The following TRAPPC9 variants were observed in gnomAD, a reference collection of about 807,000 sequenced individuals.
TRAPPC9 encodes the protein trafficking protein particle complex subunit 9, also known as IKK2 binding protein.
TRAPPC9 carries 83 observed loss-of-function variants against 124.0 expected under a neutral mutation model. That is an observed-to-expected ratio of 0.67 (90% CI 0.56 to 0.80). The LOEUF (loss-of-function observed/expected upper bound fraction) is 0.80. Among genes scored for constraint, TRAPPC9 ranks in the 30% least tolerant of loss-of-function variants. The pLI is 0.00. For missense variants in TRAPPC9, 1,302 were observed against 1,508.3 expected, an observed-to-expected ratio of 0.86 and a Z score of 2.27; for synonymous variants, 638 against 617.5, an observed-to-expected ratio of 1.03 and a Z score of -0.49.
chr8:140,165,253 A>G (rs1587840849), intron 17 of TRAPPC9, among the ~76,000 whole-genome samples: 1 of 152,172 alleles, frequency 6.6e-6, no homozygotes, highest in Non-Finnish European at 1.5e-5. Flanking sequence ...AGGCAAGAGA[A>G]TCGCTTGAAC....
At chr8:140,098,541 C>A (rs2060501398) in intron 17 of TRAPPC9, 1 of 152,000 alleles carries the variant, frequency 6.6e-6, no homozygotes, top group Non-Finnish European at 1.5e-5. Context: ...CGCAGCACCA[C>A]CTTCCACAGT....
At chr8:140,205,773 C>T (rs1281636091) in intron 17 of TRAPPC9, among the ~76,000 whole-genome samples, 1 of 152,208 alleles carries the variant, frequency 6.6e-6, no homozygotes, top group African/African-American at 2.4e-5. Flanking sequence ...ACCCCTCCTA[C>T]AGTCTCCATC....
At chr8:139,933,445 G>A (rs1262601611) in intron 19 of TRAPPC9, 1 of 152,232 alleles carries the variant, frequency 6.6e-6, no homozygotes, top group Non-Finnish European at 1.5e-5. Flanking sequence ...ACAAAACAGA[G>A]CAAGAGTTAT....
At chr8:139,847,456 C>T (rs766665790) in intron 21 of TRAPPC9, among the ~76,000 whole-genome samples, 2 of 152,296 alleles carry the variant, frequency 1.3e-5, no homozygotes, top group Non-Finnish European at 2.9e-5. Flanking sequence ...CACTTGCAGA[C>T]CAATGAGGAA....
chr8:140,293,279 A>G (rs932375924), intron 11 of TRAPPC9, among the ~76,000 whole-genome samples: 8 of 151,056 alleles, frequency 5.3e-5, no homozygotes, highest in African/African-American at 2.0e-4. Flanking sequence ...ACTGTAAACT[A>G]GTTCAACCAT....
At chr8:140,117,224 G>A (rs188436845) in intron 17 of TRAPPC9, among the ~76,000 whole-genome samples, 1 of 152,290 alleles carries the variant, frequency 6.6e-6, no homozygotes, top group African/African-American at 2.4e-5. Flanking sequence ...GTAGACTGGT[G>A]TAAGGATAAA....
intron 17 of TRAPPC9, among the ~76,000 whole-genome samples, chr8:140,176,491 C>G (rs561697639): frequency 6.6e-6 from 1 of 152,288 alleles, no homozygotes; most frequent in East Asian, 1.9e-4. Context: ...TTGGGCATAC[C>G]GGTAGCTCGT....
intron 7 of TRAPPC9, among the ~76,000 whole-genome samples, chr8:140,395,554 T>C (rs925796677): frequency 6.6e-6 from 1 of 152,204 alleles, no homozygotes; most frequent in Non-Finnish European, 1.5e-5. Flanking sequence ...TACCAAAATA[T>C]GGACCAACTC....
At chr8:139,866,833 T>A (rs1310260657) in intron 21 of TRAPPC9, among the ~76,000 whole-genome samples, 1 of 152,120 alleles carries the variant, frequency 6.6e-6, no homozygotes, top group African/African-American at 2.4e-5. Flanking sequence ...CCTCTGAGAA[T>A]GCTTGGGAAC....
chr8:140,060,058 T>G (rs1387168586), intron 17 of TRAPPC9, among the ~76,000 whole-genome samples: 1 of 152,228 alleles, frequency 6.6e-6, no homozygotes, highest in Non-Finnish European at 1.5e-5. Flanking sequence ...AGTTGACAAA[T>G]GTCTGAATGT....
chr8:139,780,557 T>G (rs1045599677), intron 21 of TRAPPC9, among the ~76,000 whole-genome samples: 1 of 151,860 alleles, frequency 6.6e-6, no homozygotes, highest in Non-Finnish European at 1.5e-5. Context: ...AAATGCAAAA[T>G]GCAAAACTAT....
chr8:140,380,340 A>G (rs1437343916), intron 7 of TRAPPC9, among the ~76,000 whole-genome samples: 1 of 152,190 alleles, frequency 6.6e-6, no homozygotes, highest in Non-Finnish European at 1.5e-5. Context: ...TGCTTGGACA[A>G]CTGGATATTC....
rs142058663 is a variant in TRAPPC9, at chr8:140,432,364, C to T, written c.859+2748G>A. Among the ~76,000 whole-genome samples the T allele has an allele frequency of 3.7e-4, 57 of 152,150 alleles. 1 individual carries two copies. Among genetic ancestry groups the T allele is most frequent in the African/African-American group, 1.4e-3 (57 of 41,506 alleles). On this transcript the variant is annotated intron_variant, in intron 4 of 22. Transcript: ENST00000438773. ...GTATTTAATCCAAAAACTTTAACAC[C>T]CCTAAATATAAACAGAAGACACAGG...
At chr8:140,051,921 T>C (rs544084754) in intron 17 of TRAPPC9, among the ~76,000 whole-genome samples, 1 of 152,106 alleles carries the variant, frequency 6.6e-6, no homozygotes, top group South Asian at 2.1e-4. Flanking sequence ...ATCCACTGTA[T>C]TTCTTTCCAT....
At chr8:139,964,404 G>C (rs2131578676) in intron 19 of TRAPPC9, among the ~76,000 whole-genome samples, 1 of 152,148 alleles carries the variant, frequency 6.6e-6, no homozygotes, top group East Asian at 1.9e-4. Context: ...CTCTCTCACA[G>C]AGCACTAACT....
At chr8:140,052,814 G>T (rs1431542306) in intron 17 of TRAPPC9, among the ~76,000 whole-genome samples, 1 of 151,710 alleles carries the variant, frequency 6.6e-6, no homozygotes, top group Non-Finnish European at 1.5e-5. Context: ...AGGCATGGTG[G>T]CATACACCTG....
chr8:140,272,299 AGTGGTGGTT>A (rs1406683626), intron 15 of TRAPPC9, among the ~76,000 whole-genome samples: 4 of 133,628 alleles, frequency 3.0e-5, no homozygotes, highest in African/African-American at 1.2e-4. Flanking sequence ...CAGTTGTGAC[AGTGGTGGTT>A]GTGGTGGTTA....
intron 17 of TRAPPC9, among the ~76,000 whole-genome samples, chr8:140,175,355 G>C (rs1183397748): frequency 6.6e-6 from 1 of 151,696 alleles, no homozygotes; most frequent in Non-Finnish European, 1.5e-5. Flanking sequence ...ATTGGCATAA[G>C]AGACGCCACA....
chr8:139,878,906 C>T (rs762874209), intron 21 of TRAPPC9, among the ~76,000 whole-genome samples: 4 of 152,266 alleles, frequency 2.6e-5, no homozygotes, highest in Non-Finnish European at 4.4e-5. Context: ...GCTATGATTG[C>T]ACCACTGCAT....
Sources: allele counts gnomAD v4.1 joint callset (sites outside exome capture counted in the v4.1 genomes callset), GRCh38; gene constraint gnomAD v4.1.1; transcripts MANE v1.5; gene names NCBI Gene and HGNC (gene_info 2026-07-23, HGNC 2026-07-21).